The following TNR variants were observed in gnomAD, a reference collection of about 807,000 sequenced individuals.
TNR encodes tenascin R.
A neutral mutation model predicts 150.4 loss-of-function variants in TNR; 45 were observed. The ratio of observed to expected loss-of-function variants is 0.30; its 90% confidence interval spans 0.24 to 0.38. The LOEUF (loss-of-function observed/expected upper bound fraction) is 0.38, where lower values mean the gene tolerates loss of function less well. Among genes scored for constraint, TNR ranks in the 10% least tolerant of loss-of-function variants. The probability of loss-of-function intolerance (pLI) is 1.00; values close to 1 mark genes in which losing one functional copy is unlikely to be tolerated. For missense variants in TNR, 1,544 were observed against 1,759.1 expected, an observed-to-expected ratio of 0.88 and a Z score of 2.19; for synonymous variants, 687 against 678.4, an observed-to-expected ratio of 1.01 and a Z score of -0.20.
intron 1 of TNR, among the ~76,000 whole-genome samples, chr1:175,558,586 T>C (rs373586002): frequency 6.6e-6 from 1 of 152,224 alleles, no homozygotes; most frequent in African/African-American, 2.4e-5. Flanking sequence ...TGTTAGAATG[T>C]TCCTCCTTAT....
intron 3 of TNR, among the ~76,000 whole-genome samples, chr1:175,405,231 C>T (rs944894450): frequency 2.0e-5 from 3 of 152,194 alleles, no homozygotes; most frequent in African/African-American, 4.8e-5. Flanking sequence ...TGGCGTCAGC[C>T]GATAATAGCT....
intron 2 of TNR, among the ~76,000 whole-genome samples, chr1:175,491,586 A>G (rs893409269): frequency 6.6e-6 from 1 of 150,494 alleles, no homozygotes; most frequent in Non-Finnish European, 1.5e-5. Context: ...TAGATAATGC[A>G]CTTTCTACCA....
chr1:175,701,045 C>T (rs966792651), intron 1 of TNR, among the ~76,000 whole-genome samples: 1 of 152,218 alleles, frequency 6.6e-6, no homozygotes, highest in African/African-American at 2.4e-5. Context: ...TCACTCCACG[C>T]CCCTCCACAA....
At chr1:175,639,249 C>G (rs576091230) in intron 1 of TNR, among the ~76,000 whole-genome samples, 2 of 152,300 alleles carry the variant, frequency 1.3e-5, no homozygotes, top group Admixed American at 6.5e-5. Flanking sequence ...GGAGGCAAAA[C>G]TTCTTGTCTG....
At chr1:175,671,935 G>A (rs1256573122) in intron 1 of TNR, among the ~76,000 whole-genome samples, 4 of 151,870 alleles carry the variant, frequency 2.6e-5, no homozygotes, top group South Asian at 2.1e-4. Flanking sequence ...GTGTGTGTGT[G>A]TGTGTGTGTG....
At chr1:175,516,537 C>A (rs942631184) in intron 2 of TNR, among the ~76,000 whole-genome samples, 1 of 152,202 alleles carries the variant, frequency 6.6e-6, no homozygotes, top group Non-Finnish European at 1.5e-5. Context: ...CGCTCCCTGA[C>A]ACAGCCTCAA....
intron 1 of TNR, among the ~76,000 whole-genome samples, chr1:175,586,372 TC>T (rs1049697456): frequency 1.2e-4 from 18 of 152,270 alleles, no homozygotes; most frequent in African/African-American, 4.1e-4. Flanking sequence ...TACTTTTTTT[TC>T]CCCTGCAACC....
chr1:175,512,237 C>A (rs902126327), intron 2 of TNR, among the ~76,000 whole-genome samples: 2 of 152,142 alleles, frequency 1.3e-5, no homozygotes, highest in Non-Finnish European at 2.9e-5. Flanking sequence ...AGTTAAGATC[C>A]GTGACCATTT....
rs531168971 is a variant in TNR at position 175,684,505 on chromosome 1, A to G, written c.-165+58721T>C. On this transcript the variant is annotated intron_variant, in intron 1 of 22. Coordinates refer to ENST00000367674, the MANE Select transcript of TNR (RefSeq NM_003285.3). ...GCTCGCTGTAATTGACATGTGAGCA[A>G]ACTAAAGCCCAGAGAAGTGGTATAA... is the stretch of plus-strand genomic sequence containing the variant. 3.7e-4 allele frequency among the ~76,000 whole-genome samples: 56 copies of G among 152,352 alleles called. 2 individuals carry two copies. The South Asian group carries it at 0.011, about 31-fold the overall frequency.
At chr1:175,701,035 T>C (rs1666679917) in intron 1 of TNR, among the ~76,000 whole-genome samples, 1 of 152,212 alleles carries the variant, frequency 6.6e-6, no homozygotes, top group African/African-American at 2.4e-5. Context: ...GCAATTCCTT[T>C]CACTCCACGC....
chr1:175,592,779 T>C (rs1328964769), intron 1 of TNR, among the ~76,000 whole-genome samples: 1 of 152,234 alleles, frequency 6.6e-6, no homozygotes, highest in East Asian at 1.9e-4. Context: ...TCCATTTCCT[T>C]TGGTGCTTAG....
intron 1 of TNR, among the ~76,000 whole-genome samples, chr1:175,640,614 A>G (rs1192754253): frequency 6.6e-6 from 1 of 152,114 alleles, no homozygotes; most frequent in Non-Finnish European, 1.5e-5. Flanking sequence ...GGTTTCTGCC[A>G]TTCCCTTATA....
At chr1:175,672,803 C>G (rs1237485923) in intron 1 of TNR, among the ~76,000 whole-genome samples, 1 of 152,158 alleles carries the variant, frequency 6.6e-6, no homozygotes, top group Non-Finnish European at 1.5e-5. Flanking sequence ...TCATTGTCAT[C>G]AGCTTGCATT....
chr1:175,448,505 C>T (rs552210955), intron 2 of TNR, among the ~76,000 whole-genome samples: 14 of 152,252 alleles, frequency 9.2e-5, no homozygotes, highest in East Asian at 3.9e-4. Context: ...CCGCTGTGCC[C>T]GGCGCCTTCA....
intron 1 of TNR, among the ~76,000 whole-genome samples, chr1:175,717,008 G>A (rs554665818): frequency 1.3e-5 from 2 of 152,238 alleles, no homozygotes; most frequent in African/African-American, 2.4e-5. Context: ...AACTACCATA[G>A]CACTTACTTA....
At position 175,319,589 on chromosome 1, in the gene TNR, G is replaced by C. The variant is rs1648941015; in HGVS notation, c.*3768C>G. On this transcript the variant is annotated 3_prime_UTR_variant, in exon 23 of 23. Transcript: ENST00000367674. ...TAGGAGTCCTACCACTTTATGAGTAGTAGAGGGGGAAGTTGGTAGGTGAGG... is the reference window on the plus strand; with the variant it reads ...TAGGAGTCCTACCACTTTATGAGTACTAGAGGGGGAAGTTGGTAGGTGAGG... The C allele has an allele frequency of 6.6e-6, 1 of 152,400 alleles. No homozygotes were observed. The highest frequency in any genetic ancestry group is 2.4e-5 in the African/African-American group (1 of 41,454). 9.4% of individuals were successfully genotyped at this position (152,400 alleles called of 1,614,324 possible).
rs1206438333 is a variant in TNR at position 175,485,964 on chromosome 1, G to A, written c.-64+42305C>T. ...ATGAAGAATCCAGGTTTAGCAAAGT[G>A]ATTTAACCTACCCAAAGTCACTCTA... On this transcript the variant is annotated intron_variant, in intron 2 of 22. Transcript: ENST00000367674. 2.0e-5 allele frequency among the ~76,000 whole-genome samples: 3 copies of A among 152,072 alleles called. No individual in the cohort carries two copies. In the East Asian group the frequency reaches 5.8e-4, roughly 29 times the overall value.
At chr1:175,706,670 C>A (rs1437405266) in intron 1 of TNR, among the ~76,000 whole-genome samples, 2 of 152,138 alleles carry the variant, frequency 1.3e-5, no homozygotes, top group Non-Finnish European at 2.9e-5. Flanking sequence ...TCTTCCTTAC[C>A]CTGAATGGAA....
chr1:175,734,764 T>A (rs1003059408), intron 1 of TNR, among the ~76,000 whole-genome samples: 1 of 152,180 alleles, frequency 6.6e-6, no homozygotes, highest in Non-Finnish European at 1.5e-5. Context: ...GGGGAGTGCA[T>A]CATTGCTGGG....
Sources: allele counts gnomAD v4.1 joint callset (sites outside exome capture counted in the v4.1 genomes callset), GRCh38; gene constraint gnomAD v4.1.1; transcripts MANE v1.5; gene names NCBI Gene and HGNC (gene_info 2026-07-23, HGNC 2026-07-21).